Variants in BACH1 observed in about 807,000 individuals in gnomAD.
BACH1 encodes BTB domain and CNC homolog 1.
BACH1 carries 35 observed loss-of-function variants against 52.9 expected under a neutral mutation model. The observed-to-expected ratio is 0.66, with a 90% confidence interval of 0.51 to 0.88. The LOEUF is 0.88. Ranked by LOEUF, BACH1 falls within the 40% of genes least tolerant of loss-of-function variation. BACH1 has a pLI of 0.00. For missense variants in BACH1, 808 were observed against 872.6 expected (o/e 0.93, Z 0.93); for synonymous variants, 321 against 319.6 (o/e 1.00, Z -0.05).
chr21:29,326,003 T>G (rs2088906195), intron 2 of BACH1, 56 bp from the exon 3 acceptor site: 2 of 1,487,248 alleles, frequency 1.3e-6, no homozygotes, highest in East Asian at 4.6e-5. Flanking sequence ...TATTTTGTTT[T>G]TATGTACTAG....
chr21:29,324,356 G>T (rs1192745030), intron 2 of BACH1, among the ~76,000 whole-genome samples: 1 of 151,268 alleles, frequency 6.6e-6, no homozygotes, highest in Non-Finnish European at 1.5e-5. Flanking sequence ...CCCTTCCTCC[G>T]TGCCTAATCC....
At chr21:29,354,252 CAT>C (rs1186839526) in intron 2 of BACH1, among the ~76,000 whole-genome samples, 5 of 152,202 alleles carry the variant, frequency 3.3e-5, no homozygotes, top group Admixed American at 1.3e-4. Flanking sequence ...GGAGGAGTGA[CAT>C]GTGGTGAGTC....
chr21:29,304,129 C>CTTT (rs398040580), intron 1 of BACH1, among the ~76,000 whole-genome samples: 1 of 136,914 alleles, frequency 7.3e-6, no homozygotes, highest in East Asian at 2.1e-4. Context: ...TTTTTTTTTT[C>CTTT]TTTTTTTTTT....
intron 1 of BACH1, among the ~76,000 whole-genome samples, chr21:29,311,775 C>A (rs1195231367): frequency 1.3e-5 from 2 of 152,160 alleles, no homozygotes; most frequent in Non-Finnish European, 2.9e-5. Flanking sequence ...TTTGACTCTG[C>A]ACATTGTAAG....
At chr21:29,353,599 C>T (rs1210138847) in intron 2 of BACH1, among the ~76,000 whole-genome samples, 1 of 152,142 alleles carries the variant, frequency 6.6e-6, no homozygotes, top group Non-Finnish European at 1.5e-5. Context: ...CTCCAGCCTA[C>T]AGAGGTGGTT....
intron 1 of BACH1, among the ~76,000 whole-genome samples, chr21:29,302,451 A>T (rs2088614025): frequency 6.6e-6 from 1 of 152,214 alleles, no homozygotes; most frequent in Admixed American, 6.5e-5. Flanking sequence ...CAGTAAGCAG[A>T]ATGGTTAAAA....
intron 2 of BACH1, among the ~76,000 whole-genome samples, chr21:29,325,697 A>G (rs1333276795): frequency 6.6e-6 from 1 of 152,042 alleles, no homozygotes; most frequent in Non-Finnish European, 1.5e-5. Flanking sequence ...CTAGCAGTAG[A>G]CTCACTATGT....
intron 4 of BACH1, among the ~76,000 whole-genome samples, chr21:29,330,362 A>G (rs2088966312): frequency 6.6e-6 from 1 of 151,332 alleles, no homozygotes; most frequent in Non-Finnish European, 1.5e-5. Context: ...TTGTATTTTT[A>G]GTAGAGATGG....
Position 29,345,172 on chromosome 21 carries a change from T to C in BACH1, c.*2339T>C, listed in dbSNP as rs760336315. On this transcript the variant is annotated 3_prime_UTR_variant, in exon 5 of 5. Transcript: ENST00000286800. ...TGCAGATGGACAGATAAAAAAGATT[T>C]TACGTTTGTCTTTTGGCCATAAGTG... 5 of 152,660 alleles carry C rather than the reference T, an allele frequency of 3.3e-5. No homozygotes were observed. Among genetic ancestry groups the C allele is most frequent in the Non-Finnish European group, 7.4e-5 (5 of 68,026 alleles). 9.5% of individuals were successfully genotyped at this position (152,660 alleles called of 1,614,324 possible).
chr21:29,329,806 T>A, intron 4 of BACH1, 113 bp downstream of exon 4: 1 of 742,220 alleles, frequency 1.3e-6, no homozygotes, highest in Non-Finnish European at 2.0e-6. Flanking sequence ...TATTTTAATA[T>A]GTATCAATTA....
chr21:29,326,920 G>T lies in BACH1; in HGVS notation c.1096G>T (p.Asp366Tyr), dbSNP rs150792794. The change falls in exon 3 of 5, where the codon GAT (aspartate) becomes TAT (tyrosine). Residue 366 changes from aspartate (D) to tyrosine (Y), a missense_variant. Coordinates refer to ENST00000286800, the MANE Select transcript of BACH1 (RefSeq NM_001186.4). Reference protein sequence around the residue: ...VQEKTFGESQDLPLKSDLGTR... With the variant: ...VQEKTFGESQYLPLKSDLGTR... The stretch of plus-strand genomic sequence containing the variant: ...AGAAAAAACATTTGGTGAAAGTCAG[G>T]ATTTACCTTTGAAATCCGACTTGGG... The T allele has an allele frequency of 5.5e-5, 88 of 1,614,084 alleles. No homozygotes were observed. Among genetic ancestry groups the T allele is most frequent in the Non-Finnish European group, 7.2e-5 (85 of 1,180,056 alleles).
At chr21:29,307,407 T>TTGTG (rs139633407) in intron 1 of BACH1, among the ~76,000 whole-genome samples, 1,996 of 150,016 alleles carry the variant, frequency 0.013, 48 homozygotes, top group African/African-American at 0.045. Context: ...TCACTTACCT[T>TTGTG]TGTGTGTGTG....
chr21:29,321,117 TATTTTCATTTTTGTTTTA>T, intron 1 of BACH1, 86 bp from the exon 2 acceptor site: 1 of 623,882 alleles, frequency 1.6e-6, no homozygotes, highest in Non-Finnish European at 2.7e-6. Context: ...GGAGGTTTTT[TATTTTCATTTTTGTTTTA>T]ATGAGTATGT....
At chr21:29,314,603 T>G (rs1367652211) in intron 1 of BACH1, among the ~76,000 whole-genome samples, 1 of 152,146 alleles carries the variant, frequency 6.6e-6, no homozygotes. Flanking sequence ...TCCCACCCCA[T>G]TTTTAAAAAA....
intron 1 of BACH1, among the ~76,000 whole-genome samples, chr21:29,305,024 C>T (rs886100542): frequency 6.6e-6 from 1 of 152,114 alleles, no homozygotes; most frequent in East Asian, 1.9e-4. Context: ...GATCTTGGCC[C>T]AGGCCTCTTC....
chr21:29,325,123 G>T (rs567555542), intron 2 of BACH1, among the ~76,000 whole-genome samples: 169 of 152,180 alleles, frequency 1.1e-3, no homozygotes, highest in African/African-American at 3.9e-3. Context: ...CCAGCTGCTC[G>T]GGAGGCTGAG....
chr21:29,313,065 T>C (rs893053418), intron 1 of BACH1, among the ~76,000 whole-genome samples: 1 of 152,188 alleles, frequency 6.6e-6, no homozygotes, highest in Non-Finnish European at 1.5e-5. Context: ...ATTAAAAAGA[T>C]GACAGTACCA....
chr21:29,358,192 A>G (rs1257108326), intron 2 of BACH1, among the ~76,000 whole-genome samples: 3 of 152,234 alleles, frequency 2.0e-5, no homozygotes, highest in Admixed American at 6.5e-5. Flanking sequence ...TAAAAGTGAA[A>G]ACTAATTTGG....
intron 1 of BACH1, among the ~76,000 whole-genome samples, chr21:29,308,924 A>T (rs778226269): frequency 7.9e-5 from 12 of 152,176 alleles, no homozygotes; most frequent in Non-Finnish European, 1.8e-4. Context: ...TCAGTGATGC[A>T]TGAGATTGGT....
Sources: gnomAD v4.1 joint callset for allele counts (sites outside exome capture counted in the v4.1 genomes callset) on GRCh38, gnomAD v4.1.1 for gene constraint, MANE v1.5 for transcripts, NCBI Gene and HGNC (gene_info 2026-07-23, HGNC 2026-07-21) for gene names.